The following GDAP1 variants were observed in gnomAD, a reference collection of about 807,000 sequenced individuals.
GDAP1 encodes ganglioside induced differentiation associated protein 1.
Under a neutral mutation model 40.1 loss-of-function variants are expected in GDAP1, and 34 were observed. The ratio of observed to expected loss-of-function variants is 0.85; its 90% CI spans 0.64 to 1.13. The LOEUF (loss-of-function observed/expected upper bound fraction) is 1.13. GDAP1 is among the 50% of genes most tolerant of loss of function. GDAP1 has a pLI of 0.00. For missense variants in GDAP1, 374 were observed against 433.7 expected (o/e 0.86, Z 1.22); for synonymous variants, 170 against 157.4 (o/e 1.08, Z -0.60).
chr8:74,453,013 T>G lies in GDAP1; in HGVS notation c.166-35665T>G, dbSNP rs1468661015. Among the ~76,000 whole-genome samples, 6 of 83,614 alleles carry G rather than the reference T, an allele frequency of 7.2e-5. 2 individuals carry two copies. The East Asian group carries it at 1.7e-3, about 24-fold the overall frequency. The allele number at this position is 83,614 out of a possible 152,430, so 54.9% of individuals were successfully genotyped here. A position where few individuals can be genotyped will look rare whatever the true frequency, so the allele number is the denominator to read the frequency against. On this transcript the variant is annotated intron_variant, in intron 2 of 2. Coordinates refer to the GDAP1 transcript ENST00000523640. ...TGTTAGGGCATATTTGCTTTGGTTT[T>G]GTTGTTAGTCGTGCTAAATCACTTA... is the stretch of plus-strand genomic sequence containing the variant.
intron 2 of GDAP1, among the ~76,000 whole-genome samples, chr8:74,447,977 G>A (rs10097802): frequency 0.7 from 105,871 of 152,100 alleles, 38,384 homozygotes; most frequent in African/African-American, 0.91. Context: ...AACAGTTCTG[G>A]TACTGTGTTT....
chr8:74,425,562 G>A (rs7814918), intron 2 of GDAP1, among the ~76,000 whole-genome samples: 2,170 of 152,270 alleles, frequency 0.014, 62 homozygotes, highest in African/African-American at 0.049. Context: ...GGGAGGAAGC[G>A]GGGCAAACTG....
intron 2 of GDAP1, among the ~76,000 whole-genome samples, chr8:74,420,979 C>T (rs961726627): frequency 2.0e-5 from 3 of 151,890 alleles, no homozygotes; most frequent in African/African-American, 7.3e-5. Context: ...CTTTCCTCAT[C>T]TTTATTGCTT....
Position 74,356,990 on chromosome 8 carries a change from C to T in GDAP1, c.311-3147C>T, listed in dbSNP as rs371192422. ...TTGGCCTCCCAAAGTGCTGGGATTA[C>T]AGGCATGAGCCACCGTGCCCAGCCT... On this transcript the variant is annotated intron_variant, in intron 2 of 5. Transcript: ENST00000220822. 1.2e-4 allele frequency among the ~76,000 whole-genome samples: 18 copies of T among 152,244 alleles called. No individual in the cohort carries two copies. The East Asian group carries it at 1.9e-3, about 16-fold the overall frequency.
chr8:74,383,894 C>G (rs1361209652), intron 2 of GDAP1, among the ~76,000 whole-genome samples: 1 of 152,120 alleles, frequency 6.6e-6, no homozygotes, highest in African/African-American at 2.4e-5. Flanking sequence ...ACCTGTGAAT[C>G]AACCCTGCAT....
downstream of GDAP1, among the ~76,000 whole-genome samples, chr8:74,368,304 A>T (rs1303886228): frequency 6.6e-6 from 1 of 152,224 alleles, no homozygotes; most frequent in Non-Finnish European, 1.5e-5. Flanking sequence ...AGATTAAACT[A>T]CCTTTTGAAT....
intron 2 of GDAP1, among the ~76,000 whole-genome samples, chr8:74,422,183 CTTTT>C (rs1386256170): frequency 6.7e-6 from 1 of 149,712 alleles, no homozygotes; most frequent in Non-Finnish European, 1.5e-5. Context: ...TTCTTTCTTT[CTTTT>C]TTCTCTTTCT....
intron 2 of GDAP1, among the ~76,000 whole-genome samples, chr8:74,387,424 A>T (rs747419113): frequency 6.6e-6 from 1 of 152,220 alleles, no homozygotes; most frequent in Non-Finnish European, 1.5e-5. Context: ...CCTTTTCTGC[A>T]TCTATTGAGA....
At chr8:74,404,972 T>A (rs1456851289) in intron 2 of GDAP1, among the ~76,000 whole-genome samples, 1 of 150,066 alleles carries the variant, frequency 6.7e-6, no homozygotes, top group African/African-American at 2.5e-5. Flanking sequence ...TTACTTATAA[T>A]ACCTAATACA....
chr8:74,355,387 C>A (rs994926932), intron 2 of GDAP1, among the ~76,000 whole-genome samples: 29 of 152,208 alleles, frequency 1.9e-4, no homozygotes, highest in African/African-American at 7.0e-4. Flanking sequence ...AAGATAATTT[C>A]TTTCTATAAG....
rs373465477 is a variant in GDAP1 at position 74,361,838 on chromosome 8, G to C, written c.485-46G>C. On this transcript the variant is annotated intron_variant, in intron 3 of 5. Transcript: ENST00000220822. ...TCTGCTTCTCCTTGTTACTGGTGTA[G>C]AAGGGAGAAAATAATTTTCTGTTTC... The C allele has an allele frequency of 1.0e-5, 11 of 1,059,118 alleles. No individual in the cohort carries two copies. In the African/African-American group the frequency reaches 1.2e-4, roughly 12 times the overall value. The allele number at this position is 1,059,118 out of a possible 1,614,324, so 65.6% of individuals were successfully genotyped here. A position where few individuals can be genotyped will look rare whatever the true frequency, so the allele number is the denominator to read the frequency against.
chr8:74,431,242 T>G (rs917642330), intron 2 of GDAP1, among the ~76,000 whole-genome samples: 1 of 151,376 alleles, frequency 6.6e-6, no homozygotes, highest in Non-Finnish European at 1.5e-5. Flanking sequence ...TTAATGATAT[T>G]AAGAAATTAT....
intron 2 of GDAP1, among the ~76,000 whole-genome samples, chr8:74,422,356 T>TTTC (rs1464436992): frequency 2.2e-5 from 1 of 45,802 alleles, no homozygotes; most frequent in African/African-American, 8.1e-5. Flanking sequence ...TTTCTTCCCT[T>TTTC]CCTTCCTTCC....
At chr8:74,370,692 A>G (rs553607128), downstream of GDAP1, among the ~76,000 whole-genome samples, 3 of 152,352 alleles carry the variant, frequency 2.0e-5, no homozygotes, top group Admixed American at 6.5e-5. Context: ...AAATGTTCCA[A>G]TTGAAGGTCA....
chr8:74,423,374 G>A (rs1041817272), intron 2 of GDAP1, among the ~76,000 whole-genome samples: 1 of 145,564 alleles, frequency 6.9e-6, no homozygotes, highest in East Asian at 2.0e-4. Context: ...AAGATAAATA[G>A]TATATATGTA....
intron 2 of GDAP1, among the ~76,000 whole-genome samples, chr8:74,422,302 T>C (rs1455798863): frequency 5.4e-5 from 2 of 37,316 alleles, no homozygotes; most frequent in Non-Finnish European, 9.4e-5. Context: ...TCTTTCTTTC[T>C]TTCTTTCTTT....
chr8:74,408,484 G>A (rs1242581887), intron 2 of GDAP1, among the ~76,000 whole-genome samples: 1 of 150,004 alleles, frequency 6.7e-6, no homozygotes, highest in Non-Finnish European at 1.5e-5. Context: ...TTATAAAAGA[G>A]GCTTCAGAGA....
chr8:74,383,063 C>T (rs914295143), intron 2 of GDAP1, among the ~76,000 whole-genome samples: 2 of 152,170 alleles, frequency 1.3e-5, no homozygotes, highest in African/African-American at 2.4e-5. Context: ...ATTTTATAGA[C>T]CTGGATTAAG....
intron 2 of GDAP1, among the ~76,000 whole-genome samples, chr8:74,356,872 G>A (rs1222136407): frequency 3.3e-5 from 5 of 151,450 alleles, no homozygotes; most frequent in African/African-American, 7.3e-5. Context: ...GCACCACCAC[G>A]CCCGGCTAAT....
Sources: allele counts gnomAD v4.1 joint callset (sites outside exome capture counted in the v4.1 genomes callset), GRCh38; gene constraint gnomAD v4.1.1; transcripts MANE v1.5; gene names NCBI Gene and HGNC (gene_info 2026-07-23, HGNC 2026-07-21).